TAF1D: variants seen among roughly 807,000 people sequenced by gnomAD.
TAF1D encodes the protein TATA-box binding protein associated factor, RNA polymerase I subunit D.
In TAF1D, 23 loss-of-function variants were observed where a neutral mutation model predicts 26.2. The observed-to-expected ratio is 0.88, with a 90% confidence interval of 0.63 to 1.25. The LOEUF is 1.25. Ranked by LOEUF, TAF1D falls within the 50% of genes most tolerant of loss-of-function variation. The pLI is 0.00. For synonymous variants in TAF1D, 100 were observed against 105.6 expected (o/e 0.95, Z 0.33); for missense variants, 299 against 322.0 (o/e 0.93, Z 0.55).
chr11:93,735,855 C>A lies in TAF1D; in HGVS notation c.*306G>T. 1 of 1,105,144 alleles carries A rather than the reference C, an allele frequency of 9.0e-7. No homozygotes were observed. The highest frequency in any genetic ancestry group is 1.1e-6 in the Non-Finnish European group (1 of 905,846). The allele number at this position is 1,105,144 out of a possible 1,614,324, so 68.5% of individuals were successfully genotyped here. On this transcript the variant is annotated 3_prime_UTR_variant, in exon 6 of 6. Coordinates refer to ENST00000448108, the MANE Select transcript of TAF1D (RefSeq NM_024116.4). ...GATTTTCTTTTCAAAATTAAAATCA[C>A]TACATTTCATTGTTTCAATACTCAC...
Position 93,735,826 on chromosome 11 carries a change from T to G in TAF1D, c.*335A>C. On this transcript the variant is annotated 3_prime_UTR_variant, in exon 6 of 6. Coordinates refer to ENST00000448108, the MANE Select transcript of TAF1D (RefSeq NM_024116.4). ...CAAGATGGTTGGGTGTCAAGTTACT[T>G]TAAGATTTTCTTTTCAAAATTAAAA... 9.3e-7 allele frequency: 1 copy of G among 1,071,790 alleles called. No homozygotes were observed. Among genetic ancestry groups the G allele is most frequent in the Non-Finnish European group, 1.1e-6 (1 of 884,642 alleles). 66.4% of individuals were successfully genotyped at this position (1,071,790 alleles called of 1,614,324 possible). A position where few individuals can be genotyped will look rare whatever the true frequency, so the allele number is the denominator to read the frequency against.
intron 5 of TAF1D, 53 bp from the exon 6 acceptor site, chr11:93,736,357 G>T: frequency 1.3e-6 from 2 of 1,540,972 alleles, no homozygotes; most frequent in Admixed American, 2.2e-5. Flanking sequence ...AAATAGTTTA[G>T]TAATTACATA....
intron 1 of TAF1D, among the ~76,000 whole-genome samples, chr11:93,740,957 T>C (rs1941892287): frequency 6.6e-6 from 1 of 152,228 alleles, no homozygotes; most frequent in Admixed American, 6.5e-5. Context: ...GAGCTAACGC[T>C]GTGACCACCA....
intron 3 of TAF1D, among the ~76,000 whole-genome samples, chr11:93,737,646 ACT>A (rs765288455): frequency 6.6e-6 from 1 of 152,102 alleles, no homozygotes; most frequent in Non-Finnish European, 1.5e-5. Flanking sequence ...TCAACATACA[ACT>A]CTCAAATATT....
intron 1 of TAF1D, among the ~76,000 whole-genome samples, chr11:93,739,961 CAAAAAA>C (rs67574108): frequency 1.1e-3 from 88 of 82,410 alleles, no homozygotes; most frequent in African/African-American, 3.1e-3. Context: ...TACAACATAC[CAAAAAA>C]AAAAAAAAAA....
Position 93,736,128 on chromosome 11 carries a change from C to T in TAF1D, c.*33G>A, listed in dbSNP as rs1243442396. 1.3e-6 allele frequency: 2 copies of T among 1,575,616 alleles called. No individual in the cohort carries two copies. The highest frequency in any genetic ancestry group is 1.7e-5 in the Admixed American group (1 of 57,890). On this transcript the variant is annotated 3_prime_UTR_variant, in exon 6 of 6. Coordinates refer to ENST00000448108, the MANE Select transcript of TAF1D (RefSeq NM_024116.4). ...ATTCATTTCTATGAAGTCGTTTTTTCTATATGCTTCACCTTTGACATTCAT... is the reference window on the plus strand; with the variant it reads ...ATTCATTTCTATGAAGTCGTTTTTTTTATATGCTTCACCTTTGACATTCAT...
downstream of TAF1D, chr11:93,734,623 A>T: frequency 1.3e-6 from 1 of 782,526 alleles, no homozygotes; most frequent in South Asian, 1.4e-5. Context: ...ATTGAGACAT[A>T]CCTTTAACTC....
Position 93,737,247 on chromosome 11 carries a change from T to A in TAF1D, c.460-8A>T, listed in dbSNP as rs762008762. 104 of 1,586,960 alleles carry A rather than the reference T, an allele frequency of 6.6e-5. No individual in the cohort carries two copies. On this transcript the variant is annotated splice_region_variant and splice_polypyrimidine_tract_variant and intron_variant, in intron 3 of 5. Coordinates refer to ENST00000448108, the MANE Select transcript of TAF1D (RefSeq NM_024116.4). ...TCCTCTTGCAACAGCTTGCTATATA[T>A]TAAAAACACCATAAGTATGTCGAGA...
downstream of TAF1D, chr11:93,735,166 A>G (rs564834303): frequency 2.1e-5 from 28 of 1,351,976 alleles, no homozygotes; most frequent in East Asian, 4.1e-4. Context: ...TCTGGGTTGC[A>G]AAAGAGGATT....
At chr11:93,739,147 C>G (rs1235565173) in intron 2 of TAF1D, 90 bp downstream of exon 2, 2 of 1,062,036 alleles carry the variant, frequency 1.9e-6, no homozygotes, top group Non-Finnish European at 2.7e-6. Context: ...TCCTTCTTTC[C>G]CAATTCCTGA....
intron 3 of TAF1D, 23 bp downstream of exon 3, chr11:93,738,086 A>G (rs1439449312): frequency 6.5e-7 from 1 of 1,530,044 alleles, no homozygotes; most frequent in Non-Finnish European, 8.7e-7. Context: ...ATGTGTAGCC[A>G]TGTATGTAAA....
At chr11:93,739,474 C>A (rs1941363383) in intron 1 of TAF1D, 143 bp from the exon 2 acceptor site, 1 of 527,150 alleles carries the variant, frequency 1.9e-6, no homozygotes, top group Non-Finnish European at 3.3e-6. Context: ...CATTTCAGAT[C>A]AGTTTCTTTA....
rs1177144245 is a variant in TAF1D at position 93,735,935 on chromosome 11, T to G, written c.*226A>C. 7.7e-7 allele frequency: 1 copy of G among 1,293,822 alleles called. No homozygotes were observed. Among genetic ancestry groups the G allele is most frequent in the African/African-American group, 1.6e-5 (1 of 64,268 alleles). The allele number at this position is 1,293,822 out of a possible 1,614,324, so 80.1% of individuals were successfully genotyped here. On this transcript the variant is annotated 3_prime_UTR_variant, in exon 6 of 6. Transcript: ENST00000448108. ...CAAATGACAATTTCTCAAATTTTTC[T>G]ATGTATTTTCTCTGGTGTTTTAATG...
At chr11:93,733,607 C>T (rs767777034), downstream of TAF1D, 9 of 506,500 alleles carry the variant, frequency 1.8e-5, no homozygotes, top group African/African-American at 1.6e-4. Context: ...CCACTATTTA[C>T]AAGGTTTTGA....
rs984028160 is a variant in TAF1D, at chr11:93,736,478, T to C, written c.694-174A>G. 7 of 1,424,840 alleles carry C rather than the reference T, an allele frequency of 4.9e-6. No individual in the cohort carries two copies. In the African/African-American group the frequency reaches 7.3e-5, roughly 15 times the overall value. 88.3% of individuals were successfully genotyped at this position (1,424,840 alleles called of 1,614,324 possible). On this transcript the variant is annotated intron_variant, in intron 5 of 5. Coordinates refer to ENST00000448108, the MANE Select transcript of TAF1D (RefSeq NM_024116.4). The stretch of plus-strand genomic sequence containing the variant: ...TTTGACATCCTAACTAGCAATAATA[T>C]GTATCAGAATGCTACTTATTAAAAA...
chr11:93,736,393 G>C, intron 5 of TAF1D, 89 bp from the exon 6 acceptor site: 1 of 1,460,738 alleles, frequency 6.8e-7, no homozygotes, highest in Admixed American at 3.0e-5. Context: ...GATTACTTCA[G>C]ATAACCTAGA....
downstream of TAF1D, chr11:93,734,465 A>G (rs1940227707): frequency 2.8e-6 from 1 of 359,494 alleles, no homozygotes; most frequent in Admixed American, 3.6e-5. Context: ...ACACATCACT[A>G]TAAAATGTGT....
In TAF1D at chr11:93,741,404, T is replaced by TGCGTTA. The variant is rs5793653; in HGVS notation, c.-111_-110insTAACGC. The TGCGTTA allele has an allele frequency of 2.2e-6, 1 of 455,842 alleles. No individual in the cohort carries two copies. The highest frequency in any genetic ancestry group is 4.4e-6 in the Non-Finnish European group (1 of 226,934). 28.2% of individuals were successfully genotyped at this position (455,842 alleles called of 1,614,324 possible). ...GGCCCAAAACCCGCGACTGGCCTGGTGTCCTAGAGCTCTGTACACACCACC... is the reference window on the plus strand; with the variant it reads ...GGCCCAAAACCCGCGACTGGCCTGGTGCGTTAGTCCTAGAGCTCTGTACACACCACC... On this transcript the variant is annotated 5_prime_UTR_variant, in exon 1 of 6. Coordinates refer to ENST00000448108, the MANE Select transcript of TAF1D (RefSeq NM_024116.4).
chr11:93,739,183 TATACA>T, intron 2 of TAF1D, 49 bp downstream of exon 2: 1 of 1,378,106 alleles, frequency 7.3e-7, no homozygotes, highest in Non-Finnish European at 1.0e-6. Context: ...TCACTCATTA[TATACA>T]ATAGTTTCTC....
Sources: gnomAD v4.1 joint callset for allele counts (sites outside exome capture counted in the v4.1 genomes callset) on GRCh38, gnomAD v4.1.1 for gene constraint, MANE v1.5 for transcripts, NCBI Gene and HGNC (gene_info 2026-07-23, HGNC 2026-07-21) for gene names.